The following SLC6A19 variants were observed in gnomAD, a reference collection of about 807,000 sequenced individuals.
SLC6A19 encodes the protein sodium-dependent neutral amino acid transporter B(0)AT1.
A neutral mutation model predicts 68.3 loss-of-function variants in SLC6A19; 67 were observed. The observed-to-expected ratio is 0.98, with a 90% CI of 0.81 to 1.20. The LOEUF (loss-of-function observed/expected upper bound fraction) is 1.20. SLC6A19 is among the 50% of genes most tolerant of loss of function. SLC6A19 has a pLI of 0.00. For synonymous variants in SLC6A19, 392 were observed against 374.9 expected (o/e 1.05, Z -0.53); for missense variants, 813 against 851.6 (o/e 0.95, Z 0.56).
In SLC6A19 at chr5:1,222,530, C is replaced by T. The variant is rs968451908; in HGVS notation, c.*626C>T. On this transcript the variant is annotated 3_prime_UTR_variant, in exon 12 of 12. Transcript: ENST00000304460. ...ACGTGTGTATATGTGAGCATGTGTA[C>T]GTGTGTGTATACGTGTGTTGTGTAT... The T allele has an allele frequency of 1.4e-4, 57 of 400,512 alleles. 1 individual carries two copies. Among genetic ancestry groups the T allele is most frequent in the Non-Finnish European group, 2.3e-4 (53 of 225,626 alleles). The allele number at this position is 400,512 out of a possible 1,614,324, so 24.8% of individuals were successfully genotyped here. A position where few individuals can be genotyped will look rare whatever the true frequency, so the allele number is the denominator to read the frequency against.
In SLC6A19 at chr5:1,216,873, C is replaced by T. The variant is rs1324978933; in HGVS notation, c.1101C>T (p.Cys367=). 2.5e-6 allele frequency: 4 copies of T among 1,613,598 alleles called. No individual in the cohort carries two copies. The African/African-American group carries it at 5.3e-5, about 22-fold the overall frequency. ...ACTTTGTGGACATGCAGCAGCGGTG[C>T]AACGCCTCCGACCCCGCGGCCTACG... ...QENFVDMQQR[C]NASDPAAYAQ... is the part of the protein sequence containing the mutation. Residue 367 remains cysteine, a synonymous_variant, in exon 8 of 12, where the codon TGC becomes TGT. Transcript: ENST00000304460.
intron 3 of SLC6A19, among the ~76,000 whole-genome samples, chr5:1,211,169 A>G (rs1306549998): frequency 6.6e-6 from 1 of 152,234 alleles, no homozygotes; most frequent in East Asian, 1.9e-4. Flanking sequence ...GCTTCCCTGC[A>G]TGCTGCTGCT....
At position 1,221,117 on chromosome 5, in the gene SLC6A19, T is replaced by C. The variant is rs768558220; in HGVS notation, c.1539-34T>C. On this transcript the variant is annotated intron_variant, in intron 10 of 11. Coordinates refer to ENST00000304460, the MANE Select transcript of SLC6A19 (RefSeq NM_001003841.3). ...GCTTAGCGAGTTGAAGCCCAGCTGG[T>C]AGCAGCAGTGACAGCTGTCTCTGGC... 9 of 1,608,666 alleles carry C rather than the reference T, an allele frequency of 5.6e-6. No homozygotes were observed. The South Asian group carries it at 1.0e-4, about 18-fold the overall frequency.
At position 1,215,798 on chromosome 5, in the gene SLC6A19, A is replaced by C. The variant is rs1746191854; in HGVS notation, c.888-760A>C. Among the ~76,000 whole-genome samples, 1 of 152,098 alleles carries C rather than the reference A, an allele frequency of 6.6e-6. No homozygotes were observed. On this transcript the variant is annotated intron_variant, in intron 6 of 11. Transcript: ENST00000304460. This position sits in a 1 kb window ranked among gnomAD's most constrained non-coding sequence, Gnocchi z 5.1. ...GCTGGCCTCTACATGCAGTCCTTCG[A>C]GGAGCTGTCAGGCTGTTTTCCACGG...
chr5:1,219,540 A>T lies in SLC6A19; in HGVS notation c.1414A>T (p.Ile472Phe), dbSNP rs1224511018. ...CCTGGGGACATTCCTCATTGGCTTC[A>T]TCTTCACGCTGAACTCCGGCCAGTA... is the stretch of plus-strand genomic sequence containing the variant. ...ICLGTFLIGF[I>F]FTLNSGQYWL... The change falls in exon 10 of 12, where the codon ATC becomes TTC. Residue 472 changes from isoleucine to phenylalanine, a missense_variant. By Grantham distance (21) the Ile-to-Phe change is conservative. Transcript: ENST00000304460. 6.2e-7 allele frequency: 1 copy of T among 1,612,392 alleles called. No individual in the cohort carries two copies. Among genetic ancestry groups the T allele is most frequent in the Non-Finnish European group, 8.5e-7 (1 of 1,180,028 alleles).
intron 10 of SLC6A19, among the ~76,000 whole-genome samples, chr5:1,220,146 A>G (rs1215887853): frequency 6.6e-6 from 1 of 152,150 alleles, no homozygotes; most frequent in Admixed American, 6.5e-5. Flanking sequence ...ACGGTGGCTC[A>G]TGACTGTCAT....
At chr5:1,210,306 G>A in intron 2 of SLC6A19, 138 bp from the exon 3 acceptor site, 1 of 1,250,200 alleles carries the variant, frequency 8.0e-7, no homozygotes, top group South Asian at 1.3e-5. Context: ...GCCTGCACTG[G>A]GTCGGCCCCT....
rs1379869895 is a variant in SLC6A19 at position 1,219,111 on chromosome 5, C to T, written c.1378+4C>T. 4.4e-6 allele frequency: 7 copies of T among 1,608,846 alleles called. No homozygotes were observed. The highest frequency in any genetic ancestry group is 1.7e-5 in the Admixed American group (1 of 59,164). Reference sequence around the variant, plus strand: ...TGGCCCAAGGAGGTGCTCACAGGTACGTGTGCAGTCGGGAGGGGTCCCCAT... The same window carrying T: ...TGGCCCAAGGAGGTGCTCACAGGTATGTGTGCAGTCGGGAGGGGTCCCCAT... On this transcript the variant is annotated splice_donor_region_variant and intron_variant, in intron 9 of 11. Transcript: ENST00000304460.
At chr5:1,216,984 C>T (rs773788626) in intron 8 of SLC6A19, 39 bp downstream of exon 8, 1 of 1,610,544 alleles carries the variant, frequency 6.2e-7, no homozygotes, top group Non-Finnish European at 8.5e-7. Flanking sequence ...GAGAGGGCAC[C>T]CCTTGCTGGC....
Position 1,209,091 on chromosome 5 carries a change from G to T in SLC6A19, c.343+205G>T, listed in dbSNP as rs1294833088. Reference sequence around the variant, plus strand: ...ACTCCTGTTCACCAGGAACCAGACAGGCCAGCAGAGGCCGCCCGAGTCCCT... The same window carrying T: ...ACTCCTGTTCACCAGGAACCAGACATGCCAGCAGAGGCCGCCCGAGTCCCT... On this transcript the variant is annotated intron_variant, in intron 2 of 11. Transcript: ENST00000304460. This position sits in a 1 kb window ranked among gnomAD's most constrained non-coding sequence, Gnocchi z 5.5. Among the ~76,000 whole-genome samples the T allele has an allele frequency of 2.0e-5, 3 of 152,214 alleles. No homozygotes were observed. Among genetic ancestry groups the T allele is most frequent in the Non-Finnish European group, 4.4e-5 (3 of 68,032 alleles).
At chr5:1,220,726 G>A (rs1746353969) in intron 10 of SLC6A19, among the ~76,000 whole-genome samples, 5 of 152,324 alleles carry the variant, frequency 3.3e-5, no homozygotes, top group East Asian at 1.9e-4. Flanking sequence ...ACTCCTTTGC[G>A]CAGAAGAGGG....
intron 1 of SLC6A19, among the ~76,000 whole-genome samples, chr5:1,207,343 G>A (rs1256781728): frequency 2.0e-5 from 3 of 152,188 alleles, no homozygotes; most frequent in Non-Finnish European, 2.9e-5. Context: ...GAGCTGGGAG[G>A]CCGTACGTCC....
In SLC6A19 at chr5:1,222,183, CATGTT is replaced by C. The variant is rs1746404531; in HGVS notation, c.*280_*284del. ...GCATGTGCCATGTGTGCAGATGTGT[CATGTT>C]GTGTGTGTGCATGTACATGTATGGA... On this transcript the variant is annotated 3_prime_UTR_variant, in exon 12 of 12. Coordinates refer to ENST00000304460, the MANE Select transcript of SLC6A19 (RefSeq NM_001003841.3). 2 of 592,570 alleles carry C rather than the reference CATGTT, an allele frequency of 3.4e-6. No individual in the cohort carries two copies. Among genetic ancestry groups the C allele is most frequent in the Non-Finnish European group, 3.0e-6 (1 of 332,684 alleles). 36.7% of individuals were successfully genotyped at this position (592,570 alleles called of 1,614,324 possible). A position where few individuals can be genotyped will look rare whatever the true frequency, so the allele number is the denominator to read the frequency against.
intron 1 of SLC6A19, among the ~76,000 whole-genome samples, chr5:1,205,354 C>G (rs1745824344): frequency 6.6e-6 from 1 of 152,260 alleles, no homozygotes; most frequent in African/African-American, 2.4e-5. Flanking sequence ...TTTCTTGGGG[C>G]AGGACAGCCT....
In SLC6A19 at chr5:1,219,110, A is replaced by T. The variant is rs1164334736; in HGVS notation, c.1378+3A>T. 1 of 1,611,086 alleles carries T rather than the reference A, an allele frequency of 6.2e-7. No homozygotes were observed. Among genetic ancestry groups the T allele is most frequent in the Non-Finnish European group, 8.5e-7 (1 of 1,178,756 alleles). On this transcript the variant is annotated splice_donor_region_variant and intron_variant, in intron 9 of 11. Coordinates refer to ENST00000304460, the MANE Select transcript of SLC6A19 (RefSeq NM_001003841.3). ...GTGGCCCAAGGAGGTGCTCACAGGT[A>T]CGTGTGCAGTCGGGAGGGGTCCCCA...
chr5:1,213,996 C>G lies in SLC6A19; in HGVS notation c.818C>G (p.Ala273Gly). ...AQPDTWLDAG[A>G]QVFFSFSLAF... ...CCGGACACCTGGCTGGACGCGGGCG[C>G]ACAGGTCTTCTTCTCCTTCTCCCTG... The change falls in exon 6 of 12, where the codon GCA becomes GGA. Residue 273 changes from alanine (A) to glycine (G), a missense_variant. Ala to Gly is a moderately conservative substitution (Grantham distance 60). Transcript: ENST00000304460. 1.2e-6 allele frequency: 2 copies of G among 1,613,686 alleles called. No homozygotes were observed. The highest frequency in any genetic ancestry group is 1.7e-6 in the Non-Finnish European group (2 of 1,180,018).
chr5:1,213,072 C>G (rs1460677944), intron 4 of SLC6A19, among the ~76,000 whole-genome samples: 2 of 144,810 alleles, frequency 1.4e-5, no homozygotes, highest in African/African-American at 5.2e-5. Context: ...CCCTGCCTCC[C>G]GTCCCCACCC....
In SLC6A19 at chr5:1,212,185, C is replaced by A; in HGVS notation, c.482-118C>A. On this transcript the variant is annotated intron_variant, in intron 3 of 11. Transcript: ENST00000304460. The surrounding 1 kb of genome is among the most constrained non-coding windows in gnomAD (Gnocchi z 5.1). ...GCCTGTGTTCATGTGCACGTGTGGG[C>A]GTGTCACTGGTGTCAAGGCCTCTGG... is the stretch of plus-strand genomic sequence containing the variant. 1 of 1,210,350 alleles carries A rather than the reference C, an allele frequency of 8.3e-7. No individual in the cohort carries two copies. The highest frequency in any genetic ancestry group is 1.2e-6 in the Non-Finnish European group (1 of 835,638). 75.0% of individuals were successfully genotyped at this position (1,210,350 alleles called of 1,614,324 possible).
At position 1,221,782 on chromosome 5, in the gene SLC6A19, C is replaced by T. The variant is rs1367143269; in HGVS notation, c.1783C>T (p.Leu595Phe). 6.2e-7 allele frequency: 1 copy of T among 1,614,078 alleles called. No individual in the cohort carries two copies. The highest frequency in any genetic ancestry group is 8.5e-7 in the Non-Finnish European group (1 of 1,180,016). The change falls in exon 12 of 12, where the codon CTC becomes TTC. Residue 595 changes from leucine (L) to phenylalanine (F), a missense_variant. Physicochemically the swap from Leu to Phe is conservative, Grantham distance 22. Transcript: ENST00000304460. ...GGTGATTGTGGCTGGAGTGCCCTCC[C>T]TCACCATCCCTGGCTATGCCATCTA... ...VVVIVAGVPS[L>F]TIPGYAIYKL... is the part of the protein sequence containing the mutation.
Sources: allele counts gnomAD v4.1 joint callset (sites outside exome capture counted in the v4.1 genomes callset), GRCh38; gene constraint gnomAD v4.1.1; non-coding constraint Gnocchi (gnomAD v3.1); transcripts MANE v1.5; gene names NCBI Gene and HGNC (gene_info 2026-07-23, HGNC 2026-07-21).